Variants in BAZ1B observed in about 807,000 individuals in gnomAD.
The protein encoded by BAZ1B is tyrosine-protein kinase BAZ1B.
A neutral mutation model predicts 153.8 loss-of-function variants in BAZ1B; 22 were observed. The ratio of observed to expected loss-of-function variants is 0.14; its 90% confidence interval spans 0.10 to 0.20. The LOEUF is 0.20. Ranked by LOEUF, BAZ1B falls within the 10% of genes least tolerant of loss-of-function variation. The probability of loss-of-function intolerance (pLI) is 1.00; values close to 1 mark genes in which losing one functional copy is unlikely to be tolerated. For synonymous variants in BAZ1B, 676 were observed against 633.4 expected, an observed-to-expected ratio of 1.07 and a Z score of -1.01; for missense variants, 1,325 against 1,799.3, an observed-to-expected ratio of 0.74 and a Z score of 4.77.
chr7:73,489,754 A>G (rs567453450), intron 5 of BAZ1B, among the ~76,000 whole-genome samples: 10 of 152,308 alleles, frequency 6.6e-5, no homozygotes, highest in Non-Finnish European at 1.2e-4. Flanking sequence ...GGTCACACCA[A>G]TGCACTCTAG....
At chr7:73,516,157 G>C (rs918575897) in intron 1 of BAZ1B, among the ~76,000 whole-genome samples, 1 of 151,780 alleles carries the variant, frequency 6.6e-6, no homozygotes, top group Non-Finnish European at 1.5e-5. Flanking sequence ...AAAGCAAAGA[G>C]AAAAATGTGG....
At position 73,484,602 on chromosome 7, in the gene BAZ1B, C is replaced by T. The variant is rs888267106; in HGVS notation, c.891+4592G>A. Among the ~76,000 whole-genome samples the T allele has an allele frequency of 7.9e-5, 12 of 152,014 alleles. No homozygotes were observed. The East Asian group carries it at 9.7e-4, about 12-fold the overall frequency. ...AGACTGCAGTGAGCTATGATCACAC[C>T]GCTGCACCTCCAGCCTGGGCAGAGC... On this transcript the variant is annotated intron_variant, in intron 6 of 19. Transcript: ENST00000339594.
chr7:73,462,129 T>C (rs1788418428), intron 12 of BAZ1B, among the ~76,000 whole-genome samples: 1 of 152,176 alleles, frequency 6.6e-6, no homozygotes, highest in Non-Finnish European at 1.5e-5. Flanking sequence ...CCCAGCTACC[T>C]GGAAACCTGA....
chr7:73,444,180 G>A (rs1453114212), intron 16 of BAZ1B, 51 bp from the exon 17 acceptor site: 3 of 1,509,144 alleles, frequency 2.0e-6, no homozygotes, highest in Non-Finnish European at 2.7e-6. Context: ...GTGAAGGGAG[G>A]AGCATCTTCG....
At chr7:73,483,628 C>T (rs1554574048) in intron 6 of BAZ1B, among the ~76,000 whole-genome samples, 1 of 152,086 alleles carries the variant, frequency 6.6e-6, no homozygotes, top group African/African-American at 2.4e-5. Flanking sequence ...TAACCCCTAA[C>T]TCACAAACTT....
At chr7:73,443,563 A>G (rs1271263380) in intron 17 of BAZ1B, among the ~76,000 whole-genome samples, 1 of 152,198 alleles carries the variant, frequency 6.6e-6, no homozygotes, top group Non-Finnish European at 1.5e-5. Context: ...GTGAGATCTA[A>G]AAACTACTAA....
intron 7 of BAZ1B, among the ~76,000 whole-genome samples, chr7:73,471,837 T>C (rs1583908250): frequency 6.6e-6 from 1 of 151,408 alleles, no homozygotes; most frequent in African/African-American, 2.4e-5. Context: ...TTTGTAACAA[T>C]GGTTATAGTA....
intron 3 of BAZ1B, 80 bp from the exon 4 acceptor site, chr7:73,498,778 T>C: frequency 1.7e-6 from 2 of 1,208,550 alleles, no homozygotes; most frequent in South Asian, 1.3e-5. Context: ...TCATCCAATA[T>C]ACATGCCTCC....
Position 73,459,681 on chromosome 7 carries a change from C to T in BAZ1B, c.3287G>A (p.Cys1096Tyr), listed in dbSNP as rs782503366. The T allele has an allele frequency of 1.2e-6, 2 of 1,612,372 alleles. No individual in the cohort carries two copies. Among genetic ancestry groups the T allele is most frequent in the East Asian group, 4.5e-5 (2 of 44,872 alleles). Residue 1096 changes from cysteine (C) to tyrosine (Y), a missense_variant, in exon 13 of 20, where the codon TGT becomes TAT. Cys to Tyr is a radical substitution (Grantham distance 194). This residue lies in a region of BAZ1B where 431 missense variants were observed against 563.5 expected (regional missense o/e 0.76). Coordinates refer to ENST00000339594, the MANE Select transcript of BAZ1B (RefSeq NM_032408.4). ...SLEKLKDFGE[C>Y]VIALQASVIK... is the part of the protein sequence containing the mutation. The stretch of plus-strand genomic sequence containing the variant: ...GACACTGGCCTGAAGGGCAATCACA[C>T]ACTCACCAAAATCCTTCAATTTCTC...
At chr7:73,459,083 C>T (rs1788301530) in intron 13 of BAZ1B, among the ~76,000 whole-genome samples, 1 of 151,646 alleles carries the variant, frequency 6.6e-6, no homozygotes, top group Non-Finnish European at 1.5e-5. Context: ...CCCGTCTCTA[C>T]TAAAAAATAC....
intron 1 of BAZ1B, among the ~76,000 whole-genome samples, chr7:73,511,815 G>A (rs1456494641): frequency 1.3e-5 from 2 of 149,612 alleles, no homozygotes; most frequent in Admixed American, 6.7e-5. Context: ...GAAGTCAGAT[G>A]TTCGAGACCA....
At chr7:73,489,077 T>G (rs1358522814) in intron 6 of BAZ1B, 117 bp downstream of exon 6, 1 of 1,111,652 alleles carries the variant, frequency 9.0e-7, no homozygotes, top group African/African-American at 1.6e-5. Context: ...CCTGAAAAAT[T>G]TTTAATTCAT....
At chr7:73,488,949 T>C (rs1351894881) in intron 6 of BAZ1B, among the ~76,000 whole-genome samples, 1 of 152,126 alleles carries the variant, frequency 6.6e-6, no homozygotes, top group Non-Finnish European at 1.5e-5. Context: ...CAAAAGCACA[T>C]GTATATAGAC....
chr7:73,451,217 C>A (rs1788017628), intron 13 of BAZ1B, among the ~76,000 whole-genome samples: 1 of 152,194 alleles, frequency 6.6e-6, no homozygotes, highest in Non-Finnish European at 1.5e-5. Context: ...GGACAAGCAT[C>A]TTCTAGGGAA....
At chr7:73,485,358 C>T (rs1284635399) in intron 6 of BAZ1B, among the ~76,000 whole-genome samples, 31 of 152,158 alleles carry the variant, frequency 2.0e-4, no homozygotes, top group Admixed American at 7.2e-4. Flanking sequence ...CAGTGGCTCA[C>T]GCCTGTAATC....
At chr7:73,498,361 T>A in intron 4 of BAZ1B, 136 bp downstream of exon 4, 7 of 810,242 alleles carry the variant, frequency 8.6e-6, no homozygotes, top group Non-Finnish European at 1.4e-5. Context: ...TTAGTTGTTC[T>A]ATGAATCATA....
At chr7:73,507,039 C>T (rs554887725) in intron 3 of BAZ1B, among the ~76,000 whole-genome samples, 88 of 150,444 alleles carry the variant, frequency 5.8e-4, no homozygotes, top group Admixed American at 1.9e-3. Context: ...CCACCACGGC[C>T]GGCTAATTTT....
intron 10 of BAZ1B, 29 bp downstream of exon 10, chr7:73,466,265 GAA>G: frequency 6.7e-7 from 1 of 1,495,776 alleles, no homozygotes; most frequent in Non-Finnish European, 9.3e-7. Flanking sequence ...AAAGGAAAAA[GAA>G]AGAGCAACCA....
At chr7:73,486,621 T>C (rs1554574520) in intron 6 of BAZ1B, among the ~76,000 whole-genome samples, 1 of 152,270 alleles carries the variant, frequency 6.6e-6, no homozygotes, top group African/African-American at 2.4e-5. Flanking sequence ...CCACTGCGCC[T>C]GGCCTGCTAA....
Sources: gnomAD v4.1 joint callset for allele counts (sites outside exome capture counted in the v4.1 genomes callset) on GRCh38, gnomAD v4.1.1 for gene constraint, gnomAD v4.1.1 regional missense constraint, MANE v1.5 for transcripts, NCBI Gene and HGNC (gene_info 2026-07-23, HGNC 2026-07-21) for gene names.